The following LNX2 variants were observed in gnomAD, a reference collection of about 807,000 sequenced individuals.
LNX2 encodes the protein ligand of Numb protein X 2.
Under a neutral mutation model 66.2 loss-of-function variants are expected in LNX2, and 35 were observed. The ratio of observed to expected loss-of-function variants is 0.53; its 90% CI spans 0.40 to 0.70. LNX2 has a LOEUF of 0.70. LNX2 is among the 30% of genes least tolerant of loss of function. LNX2 has a pLI of 0.00. For synonymous variants in LNX2, 337 were observed against 315.6 expected (o/e 1.07, Z -0.72); for missense variants, 791 against 850.8 (o/e 0.93, Z 0.87).
chr13:27,585,755 G>T (rs1054578066), intron 1 of LNX2, among the ~76,000 whole-genome samples: 5 of 151,646 alleles, frequency 3.3e-5, no homozygotes, highest in African/African-American at 1.2e-4. Flanking sequence ...ACCCCTCTTT[G>T]TGATAGTGTT....
chr13:27,569,077 C>A lies in LNX2; in HGVS notation c.607G>T (p.Glu203Ter), dbSNP rs1955242824. ...AAGGCAGGGTTGTCAAGGCCAGGCT[C>A]CTCACTCCATGTGGAAAGAGACGCT... ...TSASLSTWSE[E>*]PGLDNPAFEE... The change falls in exon 3 of 10, where the codon GAG (glutamate) becomes TAG (stop). Residue 203 changes from glutamate to a stop codon, truncating the protein, a stop_gained. Coordinates refer to ENST00000316334, the MANE Select transcript of LNX2 (RefSeq NM_153371.4). LOFTEE classifies it high-confidence loss of function. 6 of 1,613,786 alleles carry A rather than the reference C, an allele frequency of 3.7e-6. No homozygotes were observed. Among genetic ancestry groups the A allele is most frequent in the Non-Finnish European group, 5.1e-6 (6 of 1,179,928 alleles).
chr13:27,590,817 T>C (rs1195348684), intron 1 of LNX2, among the ~76,000 whole-genome samples: 1 of 152,092 alleles, frequency 6.6e-6, no homozygotes, highest in Non-Finnish European at 1.5e-5. Context: ...CTAATAAAGA[T>C]TCCCAGGCTT....
At chr13:27,561,059 C>T (rs1566117188) in intron 5 of LNX2, among the ~76,000 whole-genome samples, 1 of 152,066 alleles carries the variant, frequency 6.6e-6, no homozygotes, top group Admixed American at 6.6e-5. Context: ...AGAAACAGAG[C>T]AACTTTAGTT....
At chr13:27,589,908 C>T (rs945871008) in intron 1 of LNX2, among the ~76,000 whole-genome samples, 2 of 152,208 alleles carry the variant, frequency 1.3e-5, no homozygotes, top group Admixed American at 1.3e-4. Context: ...AACACGTGGG[C>T]TTTCTTCATT....
intron 1 of LNX2, among the ~76,000 whole-genome samples, chr13:27,583,204 G>C (rs1566124638): frequency 6.0e-5 from 1 of 16,552 alleles, no homozygotes; most frequent in Non-Finnish European, 1.1e-4. Context: ...GTGTGTGTGT[G>C]TGTGTGTGTG....
At chr13:27,581,905 A>C in intron 1 of LNX2, 102 bp from the exon 2 acceptor site, 4 of 404,384 alleles carry the variant, frequency 9.9e-6, no homozygotes, top group Non-Finnish European at 1.3e-5. Flanking sequence ...TTTAGTAAAA[A>C]ATTAAAGGTT....
intron 2 of LNX2, among the ~76,000 whole-genome samples, chr13:27,578,838 A>G (rs1424134667): frequency 2.6e-5 from 4 of 152,182 alleles, no homozygotes; most frequent in African/African-American, 9.7e-5. Flanking sequence ...TGGCACACAT[A>G]AAGATAGCAG....
intron 6 of LNX2, 126 bp from the exon 7 acceptor site, chr13:27,556,539 G>A (rs1488542689): frequency 1.3e-6 from 1 of 794,016 alleles, no homozygotes; most frequent in Non-Finnish European, 2.0e-6. Flanking sequence ...TTCCTTAATT[G>A]CAAATGAAAG....
rs1458515429 is a variant in LNX2, at chr13:27,550,382, T to C, written c.1888A>G (p.Ile630Val). 1.2e-6 allele frequency: 2 copies of C among 1,613,730 alleles called. No homozygotes were observed. The highest frequency in any genetic ancestry group is 8.5e-7 in the Non-Finnish European group (1 of 1,179,900). Residue 630 changes from isoleucine to valine, a missense_variant, in exon 9 of 10, where the codon ATT becomes GTT. Coordinates refer to ENST00000316334, the MANE Select transcript of LNX2 (RefSeq NM_153371.4). ...EENHTNQPFF[I>V]KTIVLGTPAY... ...GGAGTTCCCAAGACAATAGTTTTAA[T>C]GAAAAAAGGCTGATTGGTGTGGTTC...
At chr13:27,562,817 C>G (rs747838672) in intron 4 of LNX2, 36 bp from the exon 5 acceptor site, 2 of 1,568,996 alleles carry the variant, frequency 1.3e-6, no homozygotes, top group African/African-American at 2.7e-5. Flanking sequence ...GTGTGACAAC[C>G]TTTTATTTTT....
At chr13:27,549,291 T>C (rs991351965) in intron 9 of LNX2, among the ~76,000 whole-genome samples, 6 of 152,234 alleles carry the variant, frequency 3.9e-5, no homozygotes, top group African/African-American at 1.2e-4. Context: ...TAGCATTCTA[T>C]ATAGAATGTC....
At chr13:27,617,219 C>T (rs1175214367) in intron 1 of LNX2, among the ~76,000 whole-genome samples, 1 of 152,190 alleles carries the variant, frequency 6.6e-6, no homozygotes, top group Admixed American at 6.5e-5. Flanking sequence ...TTGTAAGACT[C>T]TCAGGCCCTC....
intron 1 of LNX2, among the ~76,000 whole-genome samples, chr13:27,619,600 A>G (rs1033002788): frequency 2.0e-5 from 3 of 152,236 alleles, no homozygotes; most frequent in Non-Finnish European, 2.9e-5. Context: ...TAAAAAGCAT[A>G]ATATACACAG....
chr13:27,615,475 T>C (rs1281446824), intron 1 of LNX2, among the ~76,000 whole-genome samples: 1 of 152,018 alleles, frequency 6.6e-6, no homozygotes, highest in Non-Finnish European at 1.5e-5. Context: ...ATAGGTATGG[T>C]TGGTTAAATC....
chr13:27,555,727 A>C (rs1955052007), intron 7 of LNX2, among the ~76,000 whole-genome samples: 7 of 152,188 alleles, frequency 4.6e-5, no homozygotes, highest in Non-Finnish European at 1.0e-4. Context: ...CCTTATATAC[A>C]AACTAAGTCA....
chr13:27,615,553 A>G (rs1467656176), intron 1 of LNX2, among the ~76,000 whole-genome samples: 1 of 152,218 alleles, frequency 6.6e-6, no homozygotes, highest in Non-Finnish European at 1.5e-5. Flanking sequence ...GGTGGGGCTG[A>G]CAGTCCTAAC....
At chr13:27,574,565 T>G (rs1955322861) in intron 2 of LNX2, among the ~76,000 whole-genome samples, 2 of 150,406 alleles carry the variant, frequency 1.3e-5, no homozygotes, top group African/African-American at 4.9e-5. Flanking sequence ...CATGGTCTTG[T>G]GGGACACCAT....
intron 6 of LNX2, among the ~76,000 whole-genome samples, chr13:27,558,579 T>C (rs1955091597): frequency 6.6e-6 from 1 of 152,104 alleles, no homozygotes; most frequent in African/African-American, 2.4e-5. Flanking sequence ...ATTATCAACT[T>C]GTACCTTATA....
At chr13:27,595,405 T>C (rs1436032083) in intron 1 of LNX2, among the ~76,000 whole-genome samples, 1 of 152,216 alleles carries the variant, frequency 6.6e-6, no homozygotes, top group Non-Finnish European at 1.5e-5. Context: ...TCTTAGTTGT[T>C]CATCTCTATA....
Sources: allele counts gnomAD v4.1 joint callset (sites outside exome capture counted in the v4.1 genomes callset), GRCh38; gene constraint gnomAD v4.1.1; transcripts MANE v1.5; gene names NCBI Gene and HGNC (gene_info 2026-07-23, HGNC 2026-07-21).